FARP1: variants seen among roughly 807,000 people sequenced by gnomAD.
FARP1 encodes the protein FERM, ARH/RhoGEF and pleckstrin domain protein 1.
In FARP1, 52 loss-of-function variants were observed where a neutral mutation model predicts 128.8. The ratio of observed to expected loss-of-function variants is 0.40; its 90% CI spans 0.32 to 0.51. The LOEUF is 0.51. FARP1 is among the 20% of genes least tolerant of loss of function. The pLI, the probability that FARP1 is intolerant of heterozygous loss-of-function variation, is 0.45. For synonymous variants in FARP1, 580 were observed against 551.8 expected, an observed-to-expected ratio of 1.05 and a Z score of -0.72; for missense variants, 1,333 against 1,367.9, an observed-to-expected ratio of 0.97 and a Z score of 0.40.
chr13:98,279,819 G>A (rs1884844080), intron 2 of FARP1, among the ~76,000 whole-genome samples: 1 of 152,182 alleles, frequency 6.6e-6, no homozygotes. Context: ...CCCAAGAAAG[G>A]ATGTAGGATG....
intron 5 of FARP1, among the ~76,000 whole-genome samples, chr13:98,376,511 G>A (rs529419884): frequency 6.6e-6 from 1 of 152,178 alleles, no homozygotes; most frequent in African/African-American, 2.4e-5. Flanking sequence ...TTCTTTGTCC[G>A]TTCATCTGTG....
intron 2 of FARP1, among the ~76,000 whole-genome samples, chr13:98,267,230 G>T (rs937554647): frequency 1.3e-5 from 2 of 152,172 alleles, no homozygotes; most frequent in Non-Finnish European, 2.9e-5. Context: ...GCATGGTGCA[G>T]ACTGACTGCA....
rs778987134 is a variant in FARP1, at chr13:98,395,318, C to T, written c.1256C>T (p.Ala419Val). Residue 419 changes from alanine (A) to valine (V), a missense_variant, in exon 13 of 27, where the codon GCC becomes GTC. Coordinates refer to ENST00000319562, the MANE Select transcript of FARP1 (RefSeq NM_005766.4). ...CRRGKEPKVS[A>V]GEPGSHPSPA... ...CGAGGAAAGGAACCGAAGGTTTCCG[C>T]CGGGGAGCCGGGGTCGCACCCGAGC... 4.3e-6 allele frequency: 7 copies of T among 1,610,210 alleles called. No homozygotes were observed. In the South Asian group the frequency reaches 5.5e-5, roughly 13 times the overall value.
At chr13:98,200,822 G>A (rs1879891812) in intron 1 of FARP1, among the ~76,000 whole-genome samples, 1 of 152,170 alleles carries the variant, frequency 6.6e-6, no homozygotes, top group African/African-American at 2.4e-5. Flanking sequence ...GTCTTTCTGG[G>A]TGAGGTGACA....
At position 98,454,680 on chromosome 13, in the gene FARP1, AAAC is replaced by A. The variant is rs752866594; in HGVS notation, c.*6368_*6370del. On this transcript the variant is annotated 3_prime_UTR_variant, in exon 27 of 27. Coordinates refer to ENST00000319562, the MANE Select transcript of FARP1 (RefSeq NM_005766.4). ...TCATTTTTCCTACAGCCATCCACTG[AAAC>A]AACATGTTTGGAGCAAAACTGGCAG... The A allele has an allele frequency of 2.6e-5, 4 of 152,342 alleles. No individual in the cohort carries two copies. The highest frequency in any genetic ancestry group is 4.1e-4 in the South Asian group (2 of 4,830). 9.4% of individuals were successfully genotyped at this position (152,342 alleles called of 1,614,324 possible). A position where few individuals can be genotyped will look rare whatever the true frequency, so the allele number is the denominator to read the frequency against.
intron 1 of FARP1, among the ~76,000 whole-genome samples, chr13:98,171,656 A>T (rs1270728437): frequency 2.6e-5 from 4 of 152,228 alleles, no homozygotes; most frequent in Non-Finnish European, 5.9e-5. Context: ...TGATTTAAAA[A>T]TTTACTGTAA....
Position 98,452,915 on chromosome 13 carries a change from A to T in FARP1, c.*4598A>T, listed in dbSNP as rs1402800929. The T allele has an allele frequency of 2.5e-6, 1 of 404,830 alleles. No individual in the cohort carries two copies. The highest frequency in any genetic ancestry group is 4.4e-6 in the Non-Finnish European group (1 of 228,662). The allele number at this position is 404,830 out of a possible 1,614,324, so 25.1% of individuals were successfully genotyped here. On this transcript the variant is annotated 3_prime_UTR_variant, in exon 27 of 27. Transcript: ENST00000319562. ...TTCCTGGAATATGTGCACTATGGTT[A>T]AAATTAAAAACAAAAGTAATAAAAT...
At chr13:98,311,404 A>C (rs1280327309) in intron 2 of FARP1, among the ~76,000 whole-genome samples, 3 of 151,956 alleles carry the variant, frequency 2.0e-5, no homozygotes, top group African/African-American at 7.3e-5. Flanking sequence ...TCCCTCTCCC[A>C]CCTCCAGCCC....
chr13:98,318,396 C>T (rs628328), intron 2 of FARP1, among the ~76,000 whole-genome samples: 31,614 of 152,154 alleles, frequency 0.21, 3,601 homozygotes, highest in Non-Finnish European at 0.27. Flanking sequence ...TGGATCAGGG[C>T]GGCATCGTTA....
intron 2 of FARP1, among the ~76,000 whole-genome samples, chr13:98,273,756 G>T (rs763887892): frequency 2.4e-4 from 37 of 152,140 alleles, no homozygotes; most frequent in Non-Finnish European, 5.1e-4. Flanking sequence ...AGAAATAGAA[G>T]GTCAGAGCCC....
intron 2 of FARP1, among the ~76,000 whole-genome samples, chr13:98,259,144 G>A (rs376183927): frequency 4.6e-5 from 7 of 152,224 alleles, no homozygotes; most frequent in African/African-American, 1.7e-4. Flanking sequence ...CTGGGAGGTC[G>A]AGGCTGCAGT....
chr13:98,417,298 CAAG>C (rs1891412212), intron 16 of FARP1, among the ~76,000 whole-genome samples: 1 of 151,756 alleles, frequency 6.6e-6, no homozygotes, highest in African/African-American at 2.4e-5. Context: ...AAGTTATCCA[CAAG>C]AAGAATCAGA....
rs1366108175 is a variant in FARP1 at position 98,446,092 on chromosome 13, T to C, written c.2797-6T>C. The C allele has an allele frequency of 1.6e-5, 26 of 1,608,290 alleles. No homozygotes were observed. The highest frequency in any genetic ancestry group is 2.0e-5 in the Non-Finnish European group (24 of 1,174,878). On this transcript the variant is annotated splice_polypyrimidine_tract_variant and splice_region_variant and intron_variant, in intron 24 of 26. Transcript: ENST00000319562. ...TGTGCTTCTCACAGGCCTCCTTGCC[T>C]TTCAGAATCAGTTGTCTGGAAACCT... is the stretch of plus-strand genomic sequence containing the variant.
intron 6 of FARP1, among the ~76,000 whole-genome samples, chr13:98,378,432 G>T (rs1171439149): frequency 6.6e-6 from 1 of 152,158 alleles, no homozygotes; most frequent in Non-Finnish European, 1.5e-5. Context: ...ATCAGATTAT[G>T]CTCATCTCCA....
rs112364908 is a variant in FARP1, at chr13:98,446,836, C to T, written c.3056+19C>T. 21 of 1,613,360 alleles carry T rather than the reference C, an allele frequency of 1.3e-5. No individual in the cohort carries two copies. Among genetic ancestry groups the T allele is most frequent in the Middle Eastern group, 1.6e-4 (1 of 6,062 alleles). On this transcript the variant is annotated intron_variant, in intron 26 of 26. Coordinates refer to ENST00000319562, the MANE Select transcript of FARP1 (RefSeq NM_005766.4). ...TCGAAAGGTAGACACCCCCTTCCCA[C>T]GCACAGGGCCCTGCAGAAGAGGACC...
Position 98,409,386 on chromosome 13 carries a change from A to G in FARP1, c.1463A>G (p.Gln488Arg), listed in dbSNP as rs1309961463. The G allele has an allele frequency of 1.1e-5, 18 of 1,613,668 alleles. No homozygotes were observed. Among genetic ancestry groups the G allele is most frequent in the Middle Eastern group, 1.6e-4 (1 of 6,084 alleles). Residue 488 changes from glutamine (Q) to arginine (R), a missense_variant, in exon 14 of 27, where the codon CAG (glutamine) becomes CGG (arginine). Around this residue, in one of 2 missense-constraint regions of FARP1, gnomAD observed 1,009 missense variants for 969.8 expected, o/e 1.04. Transcript: ENST00000319562. ...PHLSELSVNS[Q>R]GGVAPANVTL... is the part of the protein sequence containing the mutation. ...CTTTCCGAGCTGTCTGTGAACTCGCAGGGGGGAGTGGCCCCTGCCAACGTG... is the reference window on the plus strand; with the variant it reads ...CTTTCCGAGCTGTCTGTGAACTCGCGGGGGGGAGTGGCCCCTGCCAACGTG...
At chr13:98,387,723 GCTGGC>G (rs1205632864) in intron 8 of FARP1, among the ~76,000 whole-genome samples, 7 of 152,216 alleles carry the variant, frequency 4.6e-5, no homozygotes, top group Admixed American at 4.6e-4. Flanking sequence ...CAGAGACTGT[GCTGGC>G]CTTGAAGACA....
intron 2 of FARP1, among the ~76,000 whole-genome samples, chr13:98,251,436 A>G (rs1417799168): frequency 6.6e-6 from 1 of 152,152 alleles, no homozygotes; most frequent in Non-Finnish European, 1.5e-5. Flanking sequence ...TAATCCCAGC[A>G]CTTTGGGAGG....
chr13:98,444,771 C>T (rs3752968), intron 24 of FARP1, among the ~76,000 whole-genome samples: 102,512 of 152,104 alleles, frequency 0.67, 36,720 homozygotes, highest in Non-Finnish European at 0.81. Context: ...CCACTGTGGG[C>T]TGGCTGCTGT....
Sources: gnomAD v4.1 joint callset for allele counts (sites outside exome capture counted in the v4.1 genomes callset) on GRCh38, gnomAD v4.1.1 for gene constraint, gnomAD v4.1.1 regional missense constraint, MANE v1.5 for transcripts, NCBI Gene and HGNC (gene_info 2026-07-23, HGNC 2026-07-21) for gene names.